The following ATOSA variants were observed in gnomAD, a reference collection of about 807,000 sequenced individuals.
ATOSA encodes the protein atos homolog protein A.
chr15:52,686,477 T>G, the ATOSA span, among the ~76,000 whole-genome samples: 45 of 152,314 alleles, frequency 3.0e-4, no homozygotes, highest in Non-Finnish European at 5.6e-4. Context: ...AGAAAAAGGT[T>G]TGTAAGAATG....
chr15:52,693,419 C>T, the ATOSA span, among the ~76,000 whole-genome samples: 1 of 151,778 alleles, frequency 6.6e-6, no homozygotes, highest in African/African-American at 2.4e-5. Flanking sequence ...GACTCCATCT[C>T]AAAAAAATGA....
the ATOSA span, among the ~76,000 whole-genome samples, chr15:52,684,031 A>T: frequency 6.6e-6 from 1 of 152,230 alleles, no homozygotes; most frequent in Non-Finnish European, 1.5e-5. Flanking sequence ...TTAAGGGCAG[A>T]TGGACTGACT....
chr15:52,645,195 C>A, the ATOSA span, among the ~76,000 whole-genome samples: 1 of 152,132 alleles, frequency 6.6e-6, no homozygotes, highest in Non-Finnish European at 1.5e-5. Context: ...TCCCAGAACT[C>A]TGGGAGGCCG....
chr15:52,610,063 T>C, the ATOSA span: 2 of 1,613,996 alleles, frequency 1.2e-6, no homozygotes, highest in South Asian at 2.2e-5. Context: ...TGGGCCACTT[T>C]TTGCATGTAA....
chr15:52,698,516 T>C, the ATOSA span, among the ~76,000 whole-genome samples: 1 of 152,218 alleles, frequency 6.6e-6, no homozygotes, highest in Non-Finnish European at 1.5e-5. Context: ...TAAATTGTAA[T>C]AGATTTACAT....
the ATOSA span, chr15:52,609,578 G>A: frequency 1.2e-6 from 2 of 1,613,148 alleles, no homozygotes; most frequent in East Asian, 2.2e-5. Context: ...GGTTTTAGTC[G>A]AATTTTCCCC....
At chr15:52,675,102 A>C in the ATOSA span, among the ~76,000 whole-genome samples, 1 of 152,168 alleles carries the variant, frequency 6.6e-6, no homozygotes, top group Non-Finnish European at 1.5e-5. Flanking sequence ...GACAACATCT[A>C]AGACTCATCT....
the ATOSA span, chr15:52,600,333 C>T: frequency 1.5e-6 from 1 of 668,548 alleles, no homozygotes; most frequent in Admixed American, 2.6e-5. Context: ...GGCGGGAGTA[C>T]AGTGGCACCA....
At chr15:52,611,444 C>T in the ATOSA span, 1 of 1,186,352 alleles carries the variant, frequency 8.4e-7, no homozygotes, top group South Asian at 1.6e-5. Context: ...CATTTTAGTG[C>T]CAAATATAAA....
chr15:52,583,152 A>T, the ATOSA span, among the ~76,000 whole-genome samples: 3 of 152,184 alleles, frequency 2.0e-5, no homozygotes, highest in Non-Finnish European at 2.9e-5. Flanking sequence ...GAAGGAGAAC[A>T]TTCTTTGGGA....
the ATOSA span, among the ~76,000 whole-genome samples, chr15:52,696,148 AAACT>A: frequency 6.6e-6 from 1 of 152,158 alleles, no homozygotes; most frequent in Non-Finnish European, 1.5e-5. Flanking sequence ...AGACACATGG[AAACT>A]AACTAATGGT....
At chr15:52,582,506 A>C in the ATOSA span, among the ~76,000 whole-genome samples, 2 of 152,316 alleles carry the variant, frequency 1.3e-5, no homozygotes, top group South Asian at 4.1e-4. Flanking sequence ...ACCATTCCCT[A>C]AATAACTCAT....
chr15:52,605,037 T>A, the ATOSA span: 1 of 821,072 alleles, frequency 1.2e-6, no homozygotes, highest in South Asian at 1.9e-5. Flanking sequence ...TTTAAAGATA[T>A]TTAAATTTTT....
the ATOSA span, among the ~76,000 whole-genome samples, chr15:52,690,172 TG>T: frequency 6.6e-6 from 1 of 152,248 alleles, no homozygotes; most frequent in Non-Finnish European, 1.5e-5. Context: ...AATGTGTTAT[TG>T]AATTAGATTC....
the ATOSA span, among the ~76,000 whole-genome samples, chr15:52,599,970 C>T: frequency 1.1e-4 from 17 of 152,218 alleles, no homozygotes; most frequent in African/African-American, 4.1e-4. Flanking sequence ...TTCTGATTTC[C>T]CTTCTTGTGA....
the ATOSA span, chr15:52,678,143 A>G: frequency 8.1e-7 from 1 of 1,231,710 alleles, no homozygotes; most frequent in East Asian, 2.3e-5. Context: ...CAAAAATAAA[A>G]TTAATCTGGC....
chr15:52,626,923 A>G, the ATOSA span, among the ~76,000 whole-genome samples: 38 of 152,240 alleles, frequency 2.5e-4, 1 homozygote, highest in Admixed American at 1.0e-3. Context: ...GGTTTGATTC[A>G]TGTCCTTACT....
chr15:52,620,855 T>G, the ATOSA span, among the ~76,000 whole-genome samples: 5 of 152,278 alleles, frequency 3.3e-5, no homozygotes, highest in South Asian at 6.2e-4. Flanking sequence ...GGAGGATCAC[T>G]TGAGCCTGGA....
chr15:52,676,861 C>T, the ATOSA span, among the ~76,000 whole-genome samples: 1 of 152,122 alleles, frequency 6.6e-6, no homozygotes, highest in Non-Finnish European at 1.5e-5. Flanking sequence ...ACCTTGGTGC[C>T]ATTTTTCCAA....
Sources: gnomAD v4.1 joint callset for allele counts (sites outside exome capture counted in the v4.1 genomes callset) on GRCh38, gnomAD v4.1.1 for gene constraint, MANE v1.5 for transcripts, NCBI Gene and HGNC (gene_info 2026-07-23, HGNC 2026-07-21) for gene names.